The following CHD9 variants were observed in gnomAD, a reference collection of about 807,000 sequenced individuals.
CHD9 encodes ATP-dependent chromatin remodeler CHD9.
CHD9 carries 77 observed loss-of-function variants against 316.1 expected under a neutral mutation model. The observed-to-expected ratio is 0.24, with a 90% CI of 0.20 to 0.29. CHD9 has a LOEUF of 0.29. CHD9 is among the 10% of genes least tolerant of loss of function. The probability of loss-of-function intolerance (pLI) is 1.00; values close to 1 mark genes in which losing one functional copy is unlikely to be tolerated. For synonymous variants in CHD9, 1,129 were observed against 1,158.3 expected, an observed-to-expected ratio of 0.97 and a Z score of 0.51; for missense variants, 2,763 against 3,438.1, an observed-to-expected ratio of 0.80 and a Z score of 4.91.
chr16:53,182,262 A>G lies in CHD9; in HGVS notation c.1452+24721A>G, dbSNP rs183866949. Among the ~76,000 whole-genome samples the G allele has an allele frequency of 1.2e-4, 19 of 152,198 alleles. No individual in the cohort carries two copies. The East Asian group carries it at 3.1e-3, about 25-fold the overall frequency. On this transcript the variant is annotated intron_variant, in intron 2 of 38. Transcript: ENST00000447540. ...CAGGCTGGAATGCAGTGGCTTAATC[A>G]TGGATCACTGCAGCCTTGATCTTCC...
chr16:53,146,906 AT>A (rs958958254), intron 1 of CHD9, among the ~76,000 whole-genome samples: 49 of 150,920 alleles, frequency 3.2e-4, no homozygotes, highest in Admixed American at 2.5e-3. Context: ...CACTGTTGCT[AT>A]TTTTTTTTAA....
intron 19 of CHD9, among the ~76,000 whole-genome samples, chr16:53,256,551 T>C (rs1278026123): frequency 6.6e-6 from 1 of 150,786 alleles, no homozygotes; most frequent in East Asian, 2.0e-4. Context: ...TCAAACTCCT[T>C]ACCTCAGGTG....
chr16:53,123,038 T>A (rs1007387238), intron 1 of CHD9, among the ~76,000 whole-genome samples: 4 of 151,514 alleles, frequency 2.6e-5, no homozygotes, highest in Non-Finnish European at 4.4e-5. Flanking sequence ...AATTTTTATA[T>A]TTTTAGTACA....
At chr16:53,243,541 G>A (rs577784756) in intron 13 of CHD9, among the ~76,000 whole-genome samples, 51 of 152,150 alleles carry the variant, frequency 3.4e-4, no homozygotes, top group Non-Finnish European at 5.6e-4. Context: ...TCGAACTCCC[G>A]ACCTCAGGTT....
At chr16:53,097,668 CTG>C (rs2036496618) in intron 1 of CHD9, among the ~76,000 whole-genome samples, 1 of 152,160 alleles carries the variant, frequency 6.6e-6, no homozygotes, top group Admixed American at 6.5e-5. Flanking sequence ...GTACCTGTAA[CTG>C]TGTGTGGCAC....
chr16:53,198,039 T>C (rs957683763), intron 2 of CHD9, among the ~76,000 whole-genome samples: 1 of 152,096 alleles, frequency 6.6e-6, no homozygotes, highest in African/African-American at 2.4e-5. Context: ...AATTATATTT[T>C]CTCAAGCGTA....
At chr16:53,299,308 A>T (rs1162679830) in intron 30 of CHD9, 1 of 155,396 alleles carries the variant, frequency 6.4e-6, no homozygotes, top group African/African-American at 2.4e-5. Context: ...AGAAAGTCTC[A>T]CAGCCACCCA....
At chr16:53,065,725 C>T (rs1018521010) in intron 1 of CHD9, among the ~76,000 whole-genome samples, 3 of 149,932 alleles carry the variant, frequency 2.0e-5, no homozygotes, top group Non-Finnish European at 4.4e-5. Flanking sequence ...AGGAGGTTTT[C>T]AGAGTTTCCA....
At chr16:53,089,392 G>C (rs1297821866) in intron 1 of CHD9, among the ~76,000 whole-genome samples, 5 of 152,236 alleles carry the variant, frequency 3.3e-5, no homozygotes. Context: ...CATTATTGAA[G>C]ATCATAAAAC....
intron 24 of CHD9, among the ~76,000 whole-genome samples, chr16:53,284,905 A>G (rs2053729758): frequency 6.6e-6 from 1 of 152,206 alleles, no homozygotes; most frequent in South Asian, 2.1e-4. Context: ...AGCTGAGACT[A>G]CAGGTGTGCA....
At chr16:53,091,232 G>A (rs182656907) in intron 1 of CHD9, among the ~76,000 whole-genome samples, 8 of 152,344 alleles carry the variant, frequency 5.3e-5, no homozygotes, top group Non-Finnish European at 8.8e-5. Context: ...TCCAGTGGTT[G>A]GCTGACAGCA....
At chr16:53,192,923 C>A (rs1347513669) in intron 2 of CHD9, among the ~76,000 whole-genome samples, 1 of 152,004 alleles carries the variant, frequency 6.6e-6, no homozygotes, top group Non-Finnish European at 1.5e-5. Flanking sequence ...ATGAATAAAG[C>A]CTCTATAAAC....
chr16:53,149,363 G>A (rs1315245023), intron 1 of CHD9, among the ~76,000 whole-genome samples: 1 of 152,068 alleles, frequency 6.6e-6, no homozygotes, highest in Non-Finnish European at 1.5e-5. Context: ...TTAAGTCTCC[G>A]ACTATTGTAG....
At chr16:53,057,983 C>T (rs1019727175) in intron 1 of CHD9, among the ~76,000 whole-genome samples, 8 of 152,084 alleles carry the variant, frequency 5.3e-5, no homozygotes, top group African/African-American at 1.7e-4. Context: ...GAGAAGGCTG[C>T]GATGTGCCTT....
intron 2 of CHD9, among the ~76,000 whole-genome samples, chr16:53,183,349 C>A (rs996679630): frequency 1.3e-5 from 2 of 152,012 alleles, no homozygotes; most frequent in African/African-American, 4.8e-5. Context: ...TCATTGTCAT[C>A]TTTTCAGTAT....
chr16:53,142,753 T>G (rs1204421977), intron 1 of CHD9, among the ~76,000 whole-genome samples: 2 of 152,150 alleles, frequency 1.3e-5, no homozygotes, highest in Non-Finnish European at 2.9e-5. Context: ...GAATCTAATT[T>G]ATTTTCTAAT....
rs1225139930 is a variant in CHD9, at chr16:53,303,835, G to A, written c.5829G>A (p.Gln1943=). ...GGGAACAGGCCCTTCGACATCCACAGTTGTTTGAACGCTTGAAGCTTTGCC... is the reference window on the plus strand; with the variant it reads ...GGGAACAGGCCCTTCGACATCCACAATTGTTTGAACGCTTGAAGCTTTGCC... ...KVREQALRHP[Q]LFERLKLCHP... is the part of the protein sequence containing the mutation. The change falls in exon 31 of 39, where the codon CAG becomes CAA. Residue 1943 remains glutamine (Q), a synonymous_variant. Transcript: ENST00000447540. The A allele has an allele frequency of 2.5e-6, 4 of 1,614,014 alleles. No homozygotes were observed. In the East Asian group the frequency reaches 8.9e-5, roughly 36 times the overall value.
At chr16:53,184,225 C>G (rs2043790538) in intron 2 of CHD9, among the ~76,000 whole-genome samples, 1 of 150,566 alleles carries the variant, frequency 6.6e-6, no homozygotes, top group African/African-American at 2.5e-5. Flanking sequence ...GTTCTAAACT[C>G]TGTACAGTAT....
chr16:53,320,227 G>A (rs943444324), intron 37 of CHD9, among the ~76,000 whole-genome samples: 1 of 149,064 alleles, frequency 6.7e-6, no homozygotes, highest in Non-Finnish European at 1.5e-5. Context: ...GAAATACCAT[G>A]TAAGAATACT....
Sources: gnomAD v4.1 joint callset for allele counts (sites outside exome capture counted in the v4.1 genomes callset) on GRCh38, gnomAD v4.1.1 for gene constraint, MANE v1.5 for transcripts, NCBI Gene and HGNC (gene_info 2026-07-23, HGNC 2026-07-21) for gene names.